The following CCDC141 variants were observed in gnomAD, a reference collection of about 807,000 sequenced individuals.
The protein encoded by CCDC141 is coiled-coil domain containing 141.
In CCDC141, 168 loss-of-function variants were observed where a neutral mutation model predicts 181.0. The ratio of observed to expected loss-of-function variants is 0.93; its 90% CI spans 0.82 to 1.05. The LOEUF (loss-of-function observed/expected upper bound fraction) is 1.05, where lower values mean the gene tolerates loss of function less well. Among genes scored for constraint, CCDC141 ranks in the 50% least tolerant of loss-of-function variants. The probability of loss-of-function intolerance (pLI) is 0.00; values close to 1 mark genes in which losing one functional copy is unlikely to be tolerated. For missense variants in CCDC141, 1,902 were observed against 1,788.5 expected, an observed-to-expected ratio of 1.06 and a Z score of -1.14; for synonymous variants, 666 against 642.3, an observed-to-expected ratio of 1.04 and a Z score of -0.56.
intron 2 of CCDC141, among the ~76,000 whole-genome samples, chr2:179,024,215 T>G (rs987030791): frequency 6.6e-6 from 1 of 152,214 alleles, no homozygotes; most frequent in Non-Finnish European, 1.5e-5. Flanking sequence ...GTTCCATACA[T>G]TAATAATTGA....
At position 178,959,737 on chromosome 2, in the gene CCDC141, T is replaced by C. The variant is rs530798747; in HGVS notation, c.780+1493A>G. On this transcript the variant is annotated intron_variant, in intron 5 of 23. Transcript: ENST00000443758. ...TAAAAGCAAGGCAGCTTAGAAAGTG[T>C]ATGGTGACTTAGAAGGGAATGGCAA... Among the ~76,000 whole-genome samples, 59 of 152,220 alleles carry C rather than the reference T, an allele frequency of 3.9e-4. 1 individual carries two copies. In the South Asian group the frequency reaches 0.012, roughly 31 times the overall value.
chr2:178,887,421 T>G (rs1261839414), intron 9 of CCDC141, among the ~76,000 whole-genome samples: 4 of 152,174 alleles, frequency 2.6e-5, no homozygotes, highest in Admixed American at 6.6e-5. Context: ...CATGAGTCAT[T>G]GACTAAAATG....
chr2:179,019,433 C>G (rs1224702865), intron 2 of CCDC141, among the ~76,000 whole-genome samples: 1 of 152,150 alleles, frequency 6.6e-6, no homozygotes, highest in African/African-American at 2.4e-5. Context: ...CTATTGTACC[C>G]TTTGATTGCT....
chr2:179,045,040 T>C (rs2043444434), intron 2 of CCDC141, among the ~76,000 whole-genome samples: 1 of 152,022 alleles, frequency 6.6e-6, no homozygotes. Context: ...CTTTAAGTTT[T>C]AGGGTACATG....
chr2:178,909,557 G>A (rs1688130102), intron 7 of CCDC141, among the ~76,000 whole-genome samples: 1 of 152,188 alleles, frequency 6.6e-6, no homozygotes, highest in Admixed American at 6.5e-5. Flanking sequence ...TACTGTCTGT[G>A]ATTGTCTGAA....
intron 5 of CCDC141, among the ~76,000 whole-genome samples, chr2:178,958,261 T>G (rs1309475774): frequency 6.6e-6 from 1 of 152,112 alleles, no homozygotes; most frequent in Non-Finnish European, 1.5e-5. Context: ...GAATTGGACA[T>G]TTGGAATGTA....
At chr2:178,959,137 C>CT (rs1225318955) in intron 5 of CCDC141, among the ~76,000 whole-genome samples, 3 of 134,824 alleles carry the variant, frequency 2.2e-5, no homozygotes, top group African/African-American at 8.4e-5. Flanking sequence ...ACACTGGGGC[C>CT]TGTTGTGGGG....
At position 178,963,861 on chromosome 2, in the gene CCDC141, C is replaced by T. The variant is rs146008625; in HGVS notation, c.527-2378G>A. On this transcript the variant is annotated intron_variant, in intron 4 of 23. Coordinates refer to ENST00000443758, the MANE Select transcript of CCDC141 (RefSeq NM_173648.4). ...GGGCAATTTGATTGTGAGTTAACAA[C>T]GTAAAGAAACGAATGACAAAAACAA... 2.0e-3 allele frequency among the ~76,000 whole-genome samples: 298 copies of T among 151,772 alleles called. 1 individual carries two copies. Among genetic ancestry groups the T allele is most frequent in the South Asian group, 0.015 (72 of 4,772 alleles).
chr2:178,853,682 A>C, intron 19 of CCDC141, 58 bp from the exon 20 acceptor site: 2 of 1,446,702 alleles, frequency 1.4e-6, no homozygotes, highest in Non-Finnish European at 1.9e-6. Flanking sequence ...TAAAGTTCTT[A>C]ATTTTGACCA....
intron 18 of CCDC141, among the ~76,000 whole-genome samples, 180 bp downstream of exon 18, chr2:178,856,077 T>C (rs1168779904): frequency 6.6e-6 from 1 of 152,222 alleles, no homozygotes; most frequent in Non-Finnish European, 1.5e-5. Context: ...TAAATCAATT[T>C]ATTATGTATT....
At chr2:178,964,776 T>C (rs1690552202) in intron 4 of CCDC141, among the ~76,000 whole-genome samples, 1 of 152,210 alleles carries the variant, frequency 6.6e-6, no homozygotes, top group Non-Finnish European at 1.5e-5. Flanking sequence ...GAGTAAACTG[T>C]CTAGATATAC....
intron 7 of CCDC141, among the ~76,000 whole-genome samples, chr2:178,908,899 T>C (rs1048076181): frequency 2.6e-5 from 4 of 152,226 alleles, no homozygotes; most frequent in African/African-American, 9.6e-5. Context: ...GGCAAACATA[T>C]AGTAGGTACT....
In CCDC141 at chr2:178,834,197, T is replaced by TAGGGACACACTAACATAGACGACACAC; in HGVS notation, c.4542_4568dup (p.Cys1515_Leu1523dup). On this transcript the variant is annotated inframe_insertion, in exon 24 of 24. Transcript: ENST00000443758. ...GTTATTGTGTGAGGAGCCAGTACAT[T>TAGGGACACACTAACATAGACGACACAC]AGGGACACACTAACATAGACGACAC... 1 of 1,536,228 alleles carries TAGGGACACACTAACATAGACGACACAC rather than the reference T, an allele frequency of 6.5e-7. No individual in the cohort carries two copies. The highest frequency in any genetic ancestry group is 8.7e-7 in the Non-Finnish European group (1 of 1,146,806).
intron 5 of CCDC141, among the ~76,000 whole-genome samples, chr2:178,948,364 G>A (rs1209120552): frequency 1.3e-5 from 2 of 152,024 alleles, no homozygotes; most frequent in East Asian, 3.8e-4. Flanking sequence ...AATCACATCA[G>A]TAGGTTGCAT....
chr2:179,049,691 T>C, intron 1 of CCDC141, 149 bp downstream of exon 1: 4 of 718,642 alleles, frequency 5.6e-6, no homozygotes, highest in South Asian at 5.1e-5. Flanking sequence ...AGGTTTCTCT[T>C]AGTAGCCCAT....
chr2:178,820,416 CA>C, the CCDC141 span, among the ~76,000 whole-genome samples: 1 of 152,106 alleles, frequency 6.6e-6, no homozygotes, highest in Non-Finnish European at 1.5e-5. Context: ...TATAATTTTA[CA>C]AATCGGATTC....
At chr2:178,871,694 T>C (rs1686128002) in intron 13 of CCDC141, 142 bp from the exon 14 acceptor site, 11 of 957,480 alleles carry the variant, frequency 1.1e-5, no homozygotes, top group Non-Finnish European at 1.5e-5. Context: ...CTCAGGGTTC[T>C]AAACCACCAA....
chr2:178,843,999 G>A (rs565155251), intron 22 of CCDC141, among the ~76,000 whole-genome samples: 1 of 152,078 alleles, frequency 6.6e-6, no homozygotes, highest in African/African-American at 2.4e-5. Flanking sequence ...GTTTGTATTA[G>A]AATAAAAGTT....
chr2:178,896,927 C>T (rs1486027373), intron 8 of CCDC141, among the ~76,000 whole-genome samples: 1 of 151,832 alleles, frequency 6.6e-6, no homozygotes, highest in Admixed American at 6.6e-5. Context: ...TGTACCTCCC[C>T]CCTCACTTTG....
Sources: gnomAD v4.1 joint callset for allele counts (sites outside exome capture counted in the v4.1 genomes callset) on GRCh38, gnomAD v4.1.1 for gene constraint, MANE v1.5 for transcripts, NCBI Gene and HGNC (gene_info 2026-07-23, HGNC 2026-07-21) for gene names.